Variants in OSBPL3 observed in about 807,000 individuals in gnomAD.
OSBPL3 encodes oxysterol binding protein like 3, also known as oxysterol-binding protein-related protein 3.
Under a neutral mutation model 120.1 loss-of-function variants are expected in OSBPL3, and 65 were observed. The observed-to-expected ratio is 0.54, with a 90% CI of 0.44 to 0.67. OSBPL3 has a LOEUF of 0.67. OSBPL3 is among the 30% of genes least tolerant of loss of function. OSBPL3 has a pLI of 0.00. For synonymous variants in OSBPL3, 416 were observed against 402.6 expected (o/e 1.03, Z -0.40); for missense variants, 1,004 against 1,082.1 (o/e 0.93, Z 1.01).
rs773948154 is a variant in OSBPL3 at position 24,870,774 on chromosome 7, T to C, written c.339A>G (p.Lys113=). Residue 113 remains lysine (K), a synonymous_variant, in exon 5 of 23, where the codon AAA becomes AAG. Transcript: ENST00000313367. ...GCTCCTCGGTGTCAAGGTCTATGCA[T>C]TTTGATGACTTCTTTACAGACATCA... The part of the protein sequence containing the change: ...LSVMSVKKSS[K]CIDLDTEEHI... The C allele has an allele frequency of 2.1e-5, 34 of 1,613,626 alleles. 1 individual carries two copies. In the Middle Eastern group the frequency reaches 5.0e-4, roughly 24 times the overall value.
At chr7:24,889,977 G>A (rs1261258202) in intron 2 of OSBPL3, among the ~76,000 whole-genome samples, 2 of 152,170 alleles carry the variant, frequency 1.3e-5, no homozygotes, top group African/African-American at 4.8e-5. Flanking sequence ...CTCTGCACTG[G>A]GGTCCTGGGA....
Position 24,863,544 on chromosome 7 carries a change from C to T in OSBPL3, c.729G>A (p.Met243Ile). 1 of 1,614,160 alleles carries T rather than the reference C, an allele frequency of 6.2e-7. No individual in the cohort carries two copies. The highest frequency in any genetic ancestry group is 1.1e-5 in the South Asian group (1 of 91,064). Residue 243 changes from methionine (M) to isoleucine (I), a missense_variant, in exon 8 of 23, where the codon ATG becomes ATA. Transcript: ENST00000313367. This position sits in a 1 kb window ranked among gnomAD's most constrained non-coding sequence, Gnocchi z 5.8. ...LVEMSQLLQSMDVLHRTYSAP... is the reference protein window; with the variant it reads ...LVEMSQLLQSIDVLHRTYSAP... ...CCGAGTATGTCCGATGCAGGACGTC[C>T]ATGCTTTGCAGGAGCTGGCTCATTT...
Position 24,965,948 on chromosome 7 carries a change from C to T in OSBPL3, c.-150+13938G>A, listed in dbSNP as rs2128525301. Among the ~76,000 whole-genome samples, 1 of 152,278 alleles carries T rather than the reference C, an allele frequency of 6.6e-6. No homozygotes were observed. Among genetic ancestry groups the T allele is most frequent in the Middle Eastern group, 3.4e-3 (1 of 294 alleles). On this transcript the variant is annotated intron_variant, in intron 1 of 22. Coordinates refer to ENST00000313367, the MANE Select transcript of OSBPL3 (RefSeq NM_015550.4). This position sits in a 1 kb window ranked among gnomAD's most constrained non-coding sequence, Gnocchi z 4.3. The stretch of plus-strand genomic sequence containing the variant: ...GTGTGTCCCATTCATGTGGCCCCAC[C>T]CCTCCAGCTGGCTCCCTGTCCAGCC...
rs1815450899 is a variant in OSBPL3 at position 24,959,325 on chromosome 7, C to A, written c.-150+20561G>T. ...TAAAAACCCCAAACAGAAAAAAAAA[C>A]AAATGTTTATCAATAGTAGAATGGA... is the stretch of plus-strand genomic sequence containing the variant. On this transcript the variant is annotated intron_variant, in intron 1 of 22. Coordinates refer to ENST00000313367, the MANE Select transcript of OSBPL3 (RefSeq NM_015550.4). This position sits in a 1 kb window ranked among gnomAD's most constrained non-coding sequence, Gnocchi z 4.3. 2.0e-5 allele frequency among the ~76,000 whole-genome samples: 3 copies of A among 151,892 alleles called. No homozygotes were observed. Among genetic ancestry groups the A allele is most frequent in the Non-Finnish European group, 2.9e-5 (2 of 67,876 alleles).
chr7:24,848,502 A>T (rs1798709030), intron 12 of OSBPL3, among the ~76,000 whole-genome samples: 1 of 152,202 alleles, frequency 6.6e-6, no homozygotes, highest in Admixed American at 6.5e-5. Flanking sequence ...TTTTGGATAA[A>T]CATCCCTAGT....
At chr7:24,856,026 C>T (rs893776295) in intron 10 of OSBPL3, among the ~76,000 whole-genome samples, 1 of 152,196 alleles carries the variant, frequency 6.6e-6, no homozygotes, top group Non-Finnish European at 1.5e-5. Flanking sequence ...TTAGAAAGTC[C>T]TTCCTGCTGC....
chr7:24,890,259 C>T (rs940387469), intron 2 of OSBPL3, among the ~76,000 whole-genome samples: 25 of 152,178 alleles, frequency 1.6e-4, no homozygotes, highest in African/African-American at 5.8e-4. Context: ...TCATATTCCT[C>T]TAATTAAATT....
At chr7:24,903,370 C>A (rs1807352735) in intron 1 of OSBPL3, among the ~76,000 whole-genome samples, 1 of 152,228 alleles carries the variant, frequency 6.6e-6, no homozygotes, top group South Asian at 2.1e-4. Context: ...TCAAGAGACC[C>A]AAGTGGCCAA....
intron 5 of OSBPL3, among the ~76,000 whole-genome samples, chr7:24,868,309 T>G (rs13227525): frequency 0.087 from 12,564 of 145,018 alleles, 780 homozygotes; most frequent in East Asian, 0.29. Flanking sequence ...GGAGCAAGAC[T>G]CCGTCTCAAA....
intron 1 of OSBPL3, among the ~76,000 whole-genome samples, chr7:24,893,068 T>G (rs1008460098): frequency 2.0e-5 from 3 of 152,192 alleles, no homozygotes; most frequent in Admixed American, 1.3e-4. Context: ...AGCTGTTCTA[T>G]TTCTCAAAAA....
chr7:24,971,002 G>C (rs1444173188), intron 1 of OSBPL3, among the ~76,000 whole-genome samples: 1 of 152,204 alleles, frequency 6.6e-6, no homozygotes, highest in East Asian at 1.9e-4. Flanking sequence ...AAGTCTCATG[G>C]ACAAGAAAAT....
intron 1 of OSBPL3, among the ~76,000 whole-genome samples, chr7:24,944,433 C>T (rs1360070883): frequency 6.6e-6 from 1 of 152,038 alleles, no homozygotes; most frequent in Non-Finnish European, 1.5e-5. Context: ...TCAAGACCAT[C>T]CTAACCAACA....
rs34559902 is a variant in OSBPL3 at position 24,845,384 on chromosome 7, T to TAAAAAAAAAAAAAAAAAAA, written c.1267-2990_1267-2972dup. On this transcript the variant is annotated intron_variant, in intron 12 of 22. Coordinates refer to ENST00000313367, the MANE Select transcript of OSBPL3 (RefSeq NM_015550.4). Reference sequence around the variant, plus strand: ...GAATTTACAAATATTGCAAAATAAGTAAAAAAAAAAAAAAAAAAAAAAAAA... The same window carrying TAAAAAAAAAAAAAAAAAAA: ...GAATTTACAAATATTGCAAAATAAGTAAAAAAAAAAAAAAAAAAAAAAAAAAAAAAAAAAAAAAAAAAAA... 2.4e-4 allele frequency among the ~76,000 whole-genome samples: 15 copies of TAAAAAAAAAAAAAAAAAAA among 62,262 alleles called. 1 individual carries two copies. Among genetic ancestry groups the TAAAAAAAAAAAAAAAAAAA allele is most frequent in the Non-Finnish European group, 3.3e-4 (12 of 36,246 alleles). 40.8% of individuals were successfully genotyped at this position (62,262 alleles called of 152,430 possible). A position where few individuals can be genotyped will look rare whatever the true frequency, so the allele number is the denominator to read the frequency against.
intron 9 of OSBPL3, among the ~76,000 whole-genome samples, chr7:24,861,980 G>A (rs993455702): frequency 2.0e-5 from 3 of 150,562 alleles, no homozygotes; most frequent in African/African-American, 4.9e-5. Flanking sequence ...TCCACCTCCC[G>A]AGTTCACAGC....
At position 24,802,236 on chromosome 7, in the gene OSBPL3, C is replaced by G. The variant is rs1218690620; in HGVS notation, c.2568-1957G>C. The stretch of plus-strand genomic sequence containing the variant: ...CTCAATTTGGTCTGAGCTCCAGCTT[C>G]CACTTAGAATTTTCAGTGATTTTGT... On this transcript the variant is annotated intron_variant, in intron 22 of 22. Coordinates refer to ENST00000313367, the MANE Select transcript of OSBPL3 (RefSeq NM_015550.4). The surrounding 1 kb of genome is among the most constrained non-coding windows in gnomAD (Gnocchi z 4.1). Among the ~76,000 whole-genome samples, 1 of 152,158 alleles carries G rather than the reference C, an allele frequency of 6.6e-6. No homozygotes were observed. The highest frequency in any genetic ancestry group is 1.5e-5 in the Non-Finnish European group (1 of 68,026).
At position 24,842,274 on chromosome 7, in the gene OSBPL3, C is replaced by T. The variant is rs189896495; in HGVS notation, c.1401+5G>A. ...GAGGCACCATACTGTAAACATTGCT[C>T]AAACCTCGTTTTCTGAAGAGCTTGG... On this transcript the variant is annotated splice_donor_5th_base_variant and intron_variant, in intron 13 of 22. Transcript: ENST00000313367. 1 of 1,612,528 alleles carries T rather than the reference C, an allele frequency of 6.2e-7. No individual in the cohort carries two copies. Among genetic ancestry groups the T allele is most frequent in the Non-Finnish European group, 8.5e-7 (1 of 1,179,768 alleles).
rs542101516 is a variant in OSBPL3, at chr7:24,965,600, G to A, written c.-150+14286C>T. Among the ~76,000 whole-genome samples, 13 of 152,286 alleles carry A rather than the reference G, an allele frequency of 8.5e-5. No homozygotes were observed. The South Asian group carries it at 2.3e-3, about 27-fold the overall frequency. Reference sequence around the variant, plus strand: ...TTTGCTAAGGGGTCCATGAACCAGAGTCAGTATCTCCTAATAACTTATTAG... The same window carrying A: ...TTTGCTAAGGGGTCCATGAACCAGAATCAGTATCTCCTAATAACTTATTAG... On this transcript the variant is annotated intron_variant, in intron 1 of 22. Coordinates refer to ENST00000313367, the MANE Select transcript of OSBPL3 (RefSeq NM_015550.4). This position sits in a 1 kb window ranked among gnomAD's most constrained non-coding sequence, Gnocchi z 4.3.
At position 24,815,912 on chromosome 7, in the gene OSBPL3, C is replaced by A. The variant is rs1794407516; in HGVS notation, c.2027+698G>T. 6.6e-6 allele frequency among the ~76,000 whole-genome samples: 1 copy of A among 152,214 alleles called. No homozygotes were observed. Among genetic ancestry groups the A allele is most frequent in the Non-Finnish European group, 1.5e-5 (1 of 68,032 alleles). ...TCTCGGCAGTCCAGTTTCAGAGTCCCTGCTCAGAAGCATCTTGCTTTATAA... is the reference window on the plus strand; with the variant it reads ...TCTCGGCAGTCCAGTTTCAGAGTCCATGCTCAGAAGCATCTTGCTTTATAA... On this transcript the variant is annotated intron_variant, in intron 18 of 22. Coordinates refer to ENST00000313367, the MANE Select transcript of OSBPL3 (RefSeq NM_015550.4). This position sits in a 1 kb window ranked among gnomAD's most constrained non-coding sequence, Gnocchi z 5.1.
In OSBPL3 at chr7:24,854,609, G is replaced by A. The variant is rs549245914; in HGVS notation, c.1028-1975C>T. 1.1e-3 allele frequency among the ~76,000 whole-genome samples: 171 copies of A among 151,686 alleles called. 1 individual carries two copies. The highest frequency in any genetic ancestry group is 3.6e-3 in the African/African-American group (150 of 41,292). ...AATGGAACTAAAATTTTCTAACGAC[G>A]CCTATGAAACACACTTAGCTCCTTG... is the stretch of plus-strand genomic sequence containing the variant. On this transcript the variant is annotated intron_variant, in intron 10 of 22. Transcript: ENST00000313367. The surrounding 1 kb of genome is among the most constrained non-coding windows in gnomAD (Gnocchi z 4.1).
Sources: allele counts gnomAD v4.1 joint callset (sites outside exome capture counted in the v4.1 genomes callset), GRCh38; gene constraint gnomAD v4.1.1; non-coding constraint Gnocchi (gnomAD v3.1); transcripts MANE v1.5; gene names NCBI Gene and HGNC (gene_info 2026-07-23, HGNC 2026-07-21).